Variants in TLE3 observed in about 807,000 individuals in gnomAD.
The protein encoded by TLE3 is TLE family member 3, transcriptional corepressor.
Under a neutral mutation model 93.0 loss-of-function variants are expected in TLE3, and 14 were observed. The ratio of observed to expected loss-of-function variants is 0.15; its 90% CI spans 0.10 to 0.24. TLE3 has a LOEUF of 0.24. TLE3 is among the 10% of genes least tolerant of loss of function. TLE3 has a pLI of 1.00. For missense variants in TLE3, 693 were observed against 1,046.6 expected, an observed-to-expected ratio of 0.66 and a Z score of 4.66; for synonymous variants, 451 against 425.0, an observed-to-expected ratio of 1.06 and a Z score of -0.75.
At chr15:70,086,568 T>C (rs2058046741) in intron 4 of TLE3, among the ~76,000 whole-genome samples, 1 of 152,178 alleles carries the variant, frequency 6.6e-6, no homozygotes, top group African/African-American at 2.4e-5. Context: ...GAAGAGCTCT[T>C]CTGCATTTGG....
chr15:70,058,596 T>G lies in TLE3; in HGVS notation c.918+67A>C. On this transcript the variant is annotated intron_variant, in intron 11 of 19. Coordinates refer to ENST00000451782, the MANE Select transcript of TLE3 (RefSeq NM_001105192.3). This position sits in a 1 kb window ranked among gnomAD's most constrained non-coding sequence, Gnocchi z 4.1. ...CCCACTCCACCCCTCTGCCTGCCAA[T>G]CGGCACCACCCCAGCTCCAGTCCCT... 6.7e-7 allele frequency: 1 copy of G among 1,498,734 alleles called. No individual in the cohort carries two copies. Among genetic ancestry groups the G allele is most frequent in the Non-Finnish European group, 8.9e-7 (1 of 1,124,234 alleles). The allele number at this position is 1,498,734 out of a possible 1,614,324, so 92.8% of individuals were successfully genotyped here.
At chr15:70,087,082 G>C (rs982596019) in intron 4 of TLE3, among the ~76,000 whole-genome samples, 4 of 152,166 alleles carry the variant, frequency 2.6e-5, no homozygotes, top group Non-Finnish European at 2.9e-5. Flanking sequence ...CAGGGTCAGA[G>C]AGAACCCTGA....
At chr15:70,074,437 G>T in intron 6 of TLE3, 96 bp downstream of exon 6, 1 of 1,456,906 alleles carries the variant, frequency 6.9e-7, no homozygotes, top group Non-Finnish European at 9.4e-7. Flanking sequence ...CATTCTTTGA[G>T]GCCAGCTAAG....
At chr15:70,083,130 G>A (rs562366451) in intron 4 of TLE3, among the ~76,000 whole-genome samples, 11 of 152,170 alleles carry the variant, frequency 7.2e-5, no homozygotes, top group South Asian at 2.1e-4. Context: ...TGTAATAATC[G>A]GAGCTCTCAA....
rs117707244 is a variant in TLE3, at chr15:70,077,259, G to C, written c.235-1101C>G. Among the ~76,000 whole-genome samples, 3 of 152,316 alleles carry C rather than the reference G, an allele frequency of 2.0e-5. No individual in the cohort carries two copies. In the East Asian group the frequency reaches 5.8e-4, roughly 29 times the overall value. ...TATACGGGTTAACTGAGTCCAGATA[G>C]AAAGGCCTAGAACCACTGACAGACG... On this transcript the variant is annotated intron_variant, in intron 4 of 19. Coordinates refer to ENST00000451782, the MANE Select transcript of TLE3 (RefSeq NM_001105192.3).
chr15:70,093,460 A>G (rs1271489961), intron 4 of TLE3, among the ~76,000 whole-genome samples: 14 of 152,240 alleles, frequency 9.2e-5, no homozygotes, highest in Admixed American at 6.5e-4. Flanking sequence ...AACGACTGTT[A>G]ATTTAGAGCA....
At chr15:70,062,232 G>A (rs111544967) in intron 8 of TLE3, among the ~76,000 whole-genome samples, 28 of 152,226 alleles carry the variant, frequency 1.8e-4, no homozygotes, top group African/African-American at 6.3e-4. Flanking sequence ...GTGGCGATGC[G>A]CGCACAGCCA....
chr15:70,090,877 C>G (rs2058275856), intron 4 of TLE3, among the ~76,000 whole-genome samples: 2 of 152,152 alleles, frequency 1.3e-5, no homozygotes, highest in South Asian at 4.1e-4. Context: ...AAATGGGGCA[C>G]TTTGGACTTT....
chr15:70,084,874 C>T (rs112351007), intron 4 of TLE3, among the ~76,000 whole-genome samples: 2,485 of 152,300 alleles, frequency 0.016, 63 homozygotes, highest in African/African-American at 0.056. Context: ...TGTGAGAATA[C>T]CTTGCTTCGG....
Position 70,097,697 on chromosome 15 carries a change from G to C in TLE3, c.-899C>G. The C allele has an allele frequency of 5.0e-6, 2 of 397,170 alleles. No homozygotes were observed. The highest frequency in any genetic ancestry group is 3.6e-5 in the East Asian group (1 of 27,982). The allele number at this position is 397,170 out of a possible 1,614,324, so 24.6% of individuals were successfully genotyped here. ...TGGAGGGGAGACGCAGCCCGAGACC[G>C]GGGAGCTCTACGGCTTCCTTCCTTC... On this transcript the variant is annotated 5_prime_UTR_variant, in exon 1 of 20. Transcript: ENST00000451782.
At chr15:70,069,596 C>T (rs1370494635) in intron 6 of TLE3, among the ~76,000 whole-genome samples, 1 of 152,360 alleles carries the variant, frequency 6.6e-6, no homozygotes, top group East Asian at 1.9e-4. Context: ...GAAACTCCCT[C>T]GAGGTCTCCT....
At position 70,073,738 on chromosome 15, in the gene TLE3, AC is replaced by A. The variant is rs2057300786; in HGVS notation, c.372+794del. ...GGGTAAGAGCCTTGCCCAAAGTCAC[AC>A]TAAAAAGACTCTTCTTCCTCAGGTG... On this transcript the variant is annotated intron_variant, in intron 6 of 19. Coordinates refer to ENST00000451782, the MANE Select transcript of TLE3 (RefSeq NM_001105192.3). Among the ~76,000 whole-genome samples, 3 of 152,348 alleles carry A rather than the reference AC, an allele frequency of 2.0e-5. No homozygotes were observed. In the South Asian group the frequency reaches 6.2e-4, roughly 32 times the overall value.
chr15:70,058,508 C>A lies in TLE3; in HGVS notation c.918+155G>T. ...AGCAACCGAGGCTCAGAAACGTTAA[C>A]TCATTAGCACAGGCCCAGCAGGCAC... On this transcript the variant is annotated intron_variant, in intron 11 of 19. Transcript: ENST00000451782. The surrounding 1 kb of genome is among the most constrained non-coding windows in gnomAD (Gnocchi z 4.1). The A allele has an allele frequency of 7.7e-7, 1 of 1,300,590 alleles. No homozygotes were observed. Among genetic ancestry groups the A allele is most frequent in the South Asian group, 1.5e-5 (1 of 64,910 alleles). The allele number at this position is 1,300,590 out of a possible 1,614,324, so 80.6% of individuals were successfully genotyped here.
intron 14 of TLE3, 62 bp from the exon 15 acceptor site, chr15:70,055,360 C>T: frequency 1.3e-6 from 2 of 1,525,496 alleles, no homozygotes; most frequent in Non-Finnish European, 8.8e-7. Context: ...TTCCCATAGG[C>T]CTGGCCCAGG....
rs200168681 is a variant in TLE3, at chr15:70,056,383, C to A, written c.1252-9G>T. On this transcript the variant is annotated splice_polypyrimidine_tract_variant and intron_variant, in intron 13 of 19. Transcript: ENST00000451782. ...TGAGGGTCAAAACCAACCTGTAAAG[C>A]AAGGCAAGACAGCCCTCCATCAGCC... The A allele has an allele frequency of 6.2e-7, 1 of 1,610,340 alleles. No individual in the cohort carries two copies. The highest frequency in any genetic ancestry group is 8.5e-7 in the Non-Finnish European group (1 of 1,177,802).
intron 4 of TLE3, among the ~76,000 whole-genome samples, chr15:70,087,267 T>C (rs548468708): frequency 6.6e-6 from 1 of 152,212 alleles, no homozygotes; most frequent in East Asian, 1.9e-4. Flanking sequence ...CCAACCCCAA[T>C]TTGAGAACAC....
rs77649304 is a variant in TLE3, at chr15:70,058,654, C to A, written c.918+9G>T. 5.0e-6 allele frequency: 8 copies of A among 1,585,124 alleles called. No homozygotes were observed. The African/African-American group carries it at 1.1e-4, about 21-fold the overall frequency. On this transcript the variant is annotated intron_variant, in intron 11 of 19. Transcript: ENST00000451782. This position sits in a 1 kb window ranked among gnomAD's most constrained non-coding sequence, Gnocchi z 4.1. ...CCTTCCCACTCCCTTCCACCCAGAC[C>A]CCACATACATGACCAAGGTCTTTGG...
intron 5 of TLE3, among the ~76,000 whole-genome samples, chr15:70,075,052 A>G (rs2057372236): frequency 6.6e-6 from 1 of 152,274 alleles, no homozygotes; most frequent in Non-Finnish European, 1.5e-5. Flanking sequence ...GGATATCTGC[A>G]ATTTACCGTC....
At chr15:70,068,360 T>G (rs974303992) in intron 6 of TLE3, among the ~76,000 whole-genome samples, 2 of 152,214 alleles carry the variant, frequency 1.3e-5, no homozygotes, top group African/African-American at 4.8e-5. Context: ...TTCTTGTCCT[T>G]TTTAATGGCT....
Sources: allele counts gnomAD v4.1 joint callset (sites outside exome capture counted in the v4.1 genomes callset), GRCh38; gene constraint gnomAD v4.1.1; non-coding constraint Gnocchi (gnomAD v3.1); transcripts MANE v1.5; gene names NCBI Gene and HGNC (gene_info 2026-07-23, HGNC 2026-07-21).